The following OSBPL10 variants were observed in gnomAD, a reference collection of about 807,000 sequenced individuals.
OSBPL10 encodes oxysterol binding protein like 10.
Under a neutral mutation model 81.7 loss-of-function variants are expected in OSBPL10, and 49 were observed. That is an observed-to-expected ratio of 0.60 (90% CI 0.48 to 0.76). The LOEUF (loss-of-function observed/expected upper bound fraction) is 0.76. Among genes scored for constraint, OSBPL10 ranks in the 30% least tolerant of loss-of-function variants. The probability of loss-of-function intolerance (pLI) is 0.00; values close to 1 mark genes in which losing one functional copy is unlikely to be tolerated. For synonymous variants in OSBPL10, 419 were observed against 383.6 expected, an observed-to-expected ratio of 1.09 and a Z score of -1.08; for missense variants, 923 against 987.8, an observed-to-expected ratio of 0.93 and a Z score of 0.88.
intron 2 of OSBPL10, 39 bp downstream of exon 2, chr3:31,879,616 T>C: frequency 1.3e-6 from 2 of 1,573,392 alleles, no homozygotes; most frequent in East Asian, 2.3e-5. Context: ...CCATAGCAAC[T>C]AGAGGCCTGT....
rs533769237 is a variant in OSBPL10 at position 31,662,210 on chromosome 3, G to A, written c.2251-94C>T. 3.8e-4 allele frequency: 605 copies of A among 1,593,856 alleles called. 5 individuals are homozygous for A. In the African/African-American group the frequency reaches 6.8e-3, roughly 18 times the overall value. On this transcript the variant is annotated intron_variant, in intron 11 of 11. Coordinates refer to ENST00000396556, the MANE Select transcript of OSBPL10 (RefSeq NM_017784.5). ...ACCGCAGCCACTCTGTGTGTCTGCC[G>A]TGTCTTAATACCTCACACGCAGGCC... is the stretch of plus-strand genomic sequence containing the variant.
intron 1 of OSBPL10, among the ~76,000 whole-genome samples, chr3:31,961,047 CTTTTTTT>C (rs35027814): frequency 8.0e-5 from 9 of 112,994 alleles, no homozygotes; most frequent in Admixed American, 4.9e-4. Context: ...AAGCTACAGC[CTTTTTTT>C]TTTTTTTTTT....
upstream of OSBPL10, among the ~76,000 whole-genome samples, chr3:31,985,643 G>C (rs1698924319): frequency 6.6e-6 from 1 of 152,200 alleles, no homozygotes; most frequent in Non-Finnish European, 1.5e-5. Context: ...TCATTGGCCA[G>C]ATGACAGGAA....
chr3:31,806,129 C>G (rs1288460038), intron 4 of OSBPL10, among the ~76,000 whole-genome samples: 4 of 152,114 alleles, frequency 2.6e-5, no homozygotes, highest in Non-Finnish European at 4.4e-5. Flanking sequence ...TTAGCCTCCA[C>G]CTATCATGCC....
rs771492620 is a variant in OSBPL10, at chr3:31,747,952, C to T, written c.898G>A (p.Val300Met). 17 of 1,614,062 alleles carry T rather than the reference C, an allele frequency of 1.1e-5. No individual in the cohort carries two copies. The highest frequency in any genetic ancestry group is 1.4e-5 in the Non-Finnish European group (17 of 1,180,038). ...TGGCTGGGCTGGCCCGCCTGGTGCACACTCTGCTGTAACAAGTTGAGGCAC... is the reference window on the plus strand; with the variant it reads ...TGGCTGGGCTGGCCCGCCTGGTGCATACTCTGCTGTAACAAGTTGAGGCAC... ...GECLNLLQQS[V>M]HQAGQPSQKP... The change falls in exon 5 of 12, where the codon GTG becomes ATG. Residue 300 changes from valine to methionine, a missense_variant. Val to Met is a conservative substitution (Grantham distance 21, BLOSUM62 1). Transcript: ENST00000396556.
intron 4 of OSBPL10, among the ~76,000 whole-genome samples, chr3:31,823,640 ATACTT>A (rs1486586790): frequency 6.6e-6 from 1 of 152,238 alleles, no homozygotes; most frequent in Admixed American, 6.5e-5. Context: ...AAATTCTAAA[ATACTT>A]TATTTAACTG....
chr3:31,998,540 A>C (rs749486662), intron 2 of OSBPL10, among the ~76,000 whole-genome samples: 1 of 152,204 alleles, frequency 6.6e-6, no homozygotes. Flanking sequence ...TCATTCTGTC[A>C]CTAGCAAAAC....
At chr3:31,672,875 G>A (rs1004456890) in intron 8 of OSBPL10, among the ~76,000 whole-genome samples, 3 of 152,054 alleles carry the variant, frequency 2.0e-5, no homozygotes, top group Non-Finnish European at 2.9e-5. Context: ...TGGACTGGAG[G>A]GCAGGTATCA....
intron 1 of OSBPL10, among the ~76,000 whole-genome samples, chr3:31,904,475 C>T (rs577536123): frequency 6.6e-6 from 1 of 152,184 alleles, no homozygotes; most frequent in Non-Finnish European, 1.5e-5. Context: ...CTCTACCTGG[C>T]ATTTAATTAA....
At chr3:31,743,832 C>A (rs1010671166) in intron 5 of OSBPL10, among the ~76,000 whole-genome samples, 11 of 152,236 alleles carry the variant, frequency 7.2e-5, no homozygotes, top group African/African-American at 2.7e-4. Context: ...ATCAGCCCAA[C>A]CTGGCACTTC....
intron 8 of OSBPL10, among the ~76,000 whole-genome samples, chr3:31,677,117 A>C (rs1021258052): frequency 1.3e-5 from 2 of 152,204 alleles, no homozygotes; most frequent in Non-Finnish European, 2.9e-5. Context: ...AGATGGAAAA[A>C]GCATTATTTA....
chr3:31,979,606 T>C (rs1207655287), intron 1 of OSBPL10, among the ~76,000 whole-genome samples: 1 of 152,070 alleles, frequency 6.6e-6, no homozygotes, highest in Non-Finnish European at 1.5e-5. Flanking sequence ...TGGAGACTGT[T>C]AAATAGGCAG....
intron 4 of OSBPL10, among the ~76,000 whole-genome samples, chr3:31,811,598 A>G (rs927771682): frequency 1.3e-5 from 2 of 152,234 alleles, no homozygotes; most frequent in African/African-American, 4.8e-5. Context: ...ATGTCTTGCT[A>G]CAGAGCTATT....
chr3:31,721,831 C>A (rs1030393410), intron 6 of OSBPL10, among the ~76,000 whole-genome samples: 1 of 152,186 alleles, frequency 6.6e-6, no homozygotes, highest in Non-Finnish European at 1.5e-5. Flanking sequence ...AGGCATTGAG[C>A]TGGACATTAG....
At chr3:31,826,356 T>A (rs1322070402) in intron 4 of OSBPL10, among the ~76,000 whole-genome samples, 1 of 152,248 alleles carries the variant, frequency 6.6e-6, no homozygotes, top group Non-Finnish European at 1.5e-5. Context: ...TTCCTCCTGA[T>A]GATATTGTCT....
At chr3:31,806,489 T>C (rs1699525931) in intron 4 of OSBPL10, among the ~76,000 whole-genome samples, 1 of 152,318 alleles carries the variant, frequency 6.6e-6, no homozygotes, top group East Asian at 1.9e-4. Flanking sequence ...AAACAGTAAG[T>C]GCAAGGGTCA....
intron 2 of OSBPL10, among the ~76,000 whole-genome samples, chr3:32,039,194 G>C (rs929390485): frequency 9.9e-5 from 15 of 151,250 alleles, no homozygotes; most frequent in Non-Finnish European, 2.9e-5. Context: ...GGCATGGTGG[G>C]ACGTGCCTGT....
chr3:31,867,573 C>G (rs1367615944), intron 3 of OSBPL10, among the ~76,000 whole-genome samples: 2 of 152,214 alleles, frequency 1.3e-5, no homozygotes, highest in Non-Finnish European at 1.5e-5. Context: ...GAAACCCTGT[C>G]TCTACTAAAA....
At chr3:31,708,125 C>T (rs1322462492) in intron 6 of OSBPL10, among the ~76,000 whole-genome samples, 1 of 152,144 alleles carries the variant, frequency 6.6e-6, no homozygotes, top group African/African-American at 2.4e-5. Flanking sequence ...AAATTAGAGA[C>T]AGGGTCTTGC....
Sources: allele counts gnomAD v4.1 joint callset (sites outside exome capture counted in the v4.1 genomes callset), GRCh38; gene constraint gnomAD v4.1.1; transcripts MANE v1.5; gene names NCBI Gene and HGNC (gene_info 2026-07-23, HGNC 2026-07-21).